The following AGRN variants were observed in gnomAD, a reference collection of about 807,000 sequenced individuals.
The protein encoded by AGRN is agrin, also known as agrin proteoglycan.
AGRN carries 106 observed loss-of-function variants against 211.0 expected under a neutral mutation model. That is an observed-to-expected ratio of 0.50 (90% confidence interval 0.43 to 0.59). The LOEUF is 0.59. Ranked by LOEUF, AGRN falls within the 20% of genes least tolerant of loss-of-function variation. The probability of loss-of-function intolerance (pLI) is 0.00; values close to 1 mark genes in which losing one functional copy is unlikely to be tolerated. For synonymous variants in AGRN, 1,525 were observed against 1,332.5 expected, an observed-to-expected ratio of 1.14 and a Z score of -3.15; for missense variants, 3,040 against 2,982.6, an observed-to-expected ratio of 1.02 and a Z score of -0.45.
At position 1,020,190 on chromosome 1, in the gene AGRN, C is replaced by T; in HGVS notation, c.18C>T (p.His6=). Residue 6 remains histidine, a synonymous_variant, in exon 1 of 36, where the codon CAC becomes CAT. Coordinates refer to ENST00000379370, the MANE Select transcript of AGRN (RefSeq NM_198576.4). The part of the protein sequence containing the change: MAGRS[H]PGPLRPLLPL... ...CCTGCGCCATGGCCGGCCGGTCCCA[C>T]CCGGGCCCGCTGCGGCCGCTGCTGC... is the stretch of plus-strand genomic sequence containing the variant. The T allele has an allele frequency of 7.4e-7, 1 of 1,359,356 alleles. No individual in the cohort carries two copies. The highest frequency in any genetic ancestry group is 9.4e-7 in the Non-Finnish European group (1 of 1,059,086). 84.2% of individuals were successfully genotyped at this position (1,359,356 alleles called of 1,614,324 possible).
rs192239393 is a variant in AGRN at position 1,027,801 on chromosome 1, G to T, written c.463+5339G>T. On this transcript the variant is annotated intron_variant, in intron 2 of 35. Coordinates refer to ENST00000379370, the MANE Select transcript of AGRN (RefSeq NM_198576.4). ...AGGCCTGGTCAGGGTGGGAGCGGGG[G>T]TCTGTCGCTGGCCTGAGCCTCCCTG... is the stretch of plus-strand genomic sequence containing the variant. 3.7e-4 allele frequency among the ~76,000 whole-genome samples: 57 copies of T among 152,298 alleles called. 1 individual carries two copies. In the Middle Eastern group the frequency reaches 0.014, roughly 36 times the overall value.
chr1:1,043,300 G>T lies in AGRN; in HGVS notation c.1446G>T (p.Lys482Asn), dbSNP rs1252449764. 1 of 1,611,794 alleles carries T rather than the reference G, an allele frequency of 6.2e-7. No individual in the cohort carries two copies. The highest frequency in any genetic ancestry group is 8.5e-7 in the Non-Finnish European group (1 of 1,179,554). The change falls in exon 8 of 36, where the codon AAG becomes AAT. Residue 482 changes from lysine to asparagine, a missense_variant. Transcript: ENST00000379370. ...CATTTGGGGCGACGTGTGCTGTGAA[G>T]AACGGGCAGGCAGCGTGTGAATGCC... ...QCAFGATCAV[K>N]NGQAACECLQ...
At chr1:1,053,318 T>C (rs1645362911) in intron 33 of AGRN, 1 of 681,964 alleles carries the variant, frequency 1.5e-6, no homozygotes, top group Non-Finnish European at 2.1e-6. Context: ...CCTGCTGGGC[T>C]CTTTGGTGGG....
At chr1:1,033,171 A>G (rs1010525694) in intron 2 of AGRN, among the ~76,000 whole-genome samples, 4 of 151,788 alleles carry the variant, frequency 2.6e-5, no homozygotes, top group Admixed American at 2.6e-4. Context: ...GCTCATTTGC[A>G]TGACCCCGCC....
At chr1:1,021,196 C>T (rs1386784718) in intron 1 of AGRN, among the ~76,000 whole-genome samples, 1 of 152,332 alleles carries the variant, frequency 6.6e-6, no homozygotes, top group South Asian at 2.1e-4. Context: ...GCTGGGCTCC[C>T]CCGCCGGCCC....
intron 2 of AGRN, chr1:1,034,585 C>T (rs1644755144): frequency 2.8e-5 from 28 of 986,358 alleles, no homozygotes; most frequent in Non-Finnish European, 3.4e-5. Flanking sequence ...CGCGGGACAC[C>T]CGGCAGCCGC....
At position 1,046,588 on chromosome 1, in the gene AGRN, G is replaced by A. The variant is rs756015484; in HGVS notation, c.3103G>A (p.Val1035Met). 1.8e-5 allele frequency: 29 copies of A among 1,606,042 alleles called. No homozygotes were observed. The highest frequency in any genetic ancestry group is 3.3e-5 in the Admixed American group (2 of 59,772). The change falls in exon 18 of 36, where the codon GTG becomes ATG. Residue 1035 changes from valine to methionine, a missense_variant. By Grantham distance (21) the Val-to-Met change is conservative (BLOSUM62 1). Transcript: ENST00000379370. ...RTTASVPRTT[V>M]WPVLTVPPTA... Reference sequence around the variant, plus strand: ...CACTGCCAGCGTCCCCAGGACCACCGTGTGGCCCGTGCTGACGGTGCCCCC... The same window carrying A: ...CACTGCCAGCGTCCCCAGGACCACCATGTGGCCCGTGCTGACGGTGCCCCC...
intron 1 of AGRN, among the ~76,000 whole-genome samples, chr1:1,021,821 G>T (rs1294349811): frequency 6.6e-6 from 1 of 152,180 alleles, no homozygotes; most frequent in Non-Finnish European, 1.5e-5. Flanking sequence ...CACTGCCCAA[G>T]CTTGCTGGGA....
Position 1,043,604 on chromosome 1 carries a change from C to T in AGRN, c.1670C>T (p.Ser557Phe), listed in dbSNP as rs1413573905. 2 of 1,604,972 alleles carry T rather than the reference C, an allele frequency of 1.2e-6. No individual in the cohort carries two copies. The highest frequency in any genetic ancestry group is 1.7e-6 in the Non-Finnish European group (2 of 1,179,778). Reference sequence around the variant, plus strand: ...GAGACCGGGCGCTGCGTGTGCCCCTCTGAATGCGTGGCTTTGGCCCAGCCC... The same window carrying T: ...GAGACCGGGCGCTGCGTGTGCCCCTTTGAATGCGTGGCTTTGGCCCAGCCC... Reference protein sequence around the residue: ...EAETGRCVCPSECVALAQPVC... With the variant: ...EAETGRCVCPFECVALAQPVC... Residue 557 changes from serine to phenylalanine, a missense_variant, in exon 9 of 36, where the codon TCT (serine) becomes TTT (phenylalanine). Transcript: ENST00000379370.
intron 2 of AGRN, chr1:1,034,586 C>A: frequency 6.1e-6 from 6 of 986,372 alleles, no homozygotes; most frequent in Non-Finnish European, 7.2e-6. Context: ...GCGGGACACC[C>A]GGCAGCCGCC....
intron 9 of AGRN, 29 bp downstream of exon 9, chr1:1,043,761 C>T (rs1394729804): frequency 6.2e-7 from 1 of 1,603,484 alleles, no homozygotes; most frequent in East Asian, 2.2e-5. Flanking sequence ...CCGGGCGGGC[C>T]AGGGTCCTGT....
At chr1:1,030,684 T>C (rs111203427) in intron 2 of AGRN, among the ~76,000 whole-genome samples, 319 of 4,122 alleles carry the variant, frequency 0.077, 83 homozygotes, top group East Asian at 0.5. Flanking sequence ...GTGAGATCAG[T>C]GTGTGTGTGT....
chr1:1,044,167 G>A lies in AGRN; in HGVS notation c.2058G>A (p.Leu686=). Residue 686 remains leucine, a synonymous_variant, in exon 11 of 36, where the codon CTG becomes CTA. Transcript: ENST00000379370. The part of the protein sequence containing the change: ...SGEDGDCEQE[L]CRQRGGIWDE... ...AGGACGGTGACTGTGAGCAGGAGCT[G>A]TGCCGGCAGCGCGGTGGCATCTGGG... 1.9e-6 allele frequency: 3 copies of A among 1,613,274 alleles called. No individual in the cohort carries two copies. Among genetic ancestry groups the A allele is most frequent in the Non-Finnish European group, 2.5e-6 (3 of 1,179,922 alleles).
intron 2 of AGRN, among the ~76,000 whole-genome samples, chr1:1,024,664 A>G (rs1310647111): frequency 1.3e-5 from 2 of 151,942 alleles, no homozygotes; most frequent in African/African-American, 4.8e-5. Flanking sequence ...GCTGGGCCAC[A>G]CCTGGACTCA....
chr1:1,053,696 C>T, intron 33 of AGRN, 57 bp from the exon 34 acceptor site: 1 of 1,537,890 alleles, frequency 6.5e-7, no homozygotes, highest in Non-Finnish European at 8.8e-7. Flanking sequence ...TCCCGCCTCC[C>T]CCACCCTGTC....
At chr1:1,034,095 C>T (rs1644741793) in intron 2 of AGRN, 2 of 983,364 alleles carry the variant, frequency 2.0e-6, no homozygotes, top group Non-Finnish European at 2.4e-6. Context: ...GACGCGGCCG[C>T]CCCTCCTGCC....
chr1:1,042,458 G>A (rs953790482), intron 7 of AGRN, among the ~76,000 whole-genome samples: 1 of 152,210 alleles, frequency 6.6e-6, no homozygotes, highest in Non-Finnish European at 1.5e-5. Context: ...AGCACAGGCT[G>A]TTGGGGTGGG....
chr1:1,020,849 G>GGGGC lies in AGRN; in HGVS notation c.201+479_201+480insCGGG, dbSNP rs1553170877. ...AGGTGGGGGGTGCCGCAGTGGTGCG[G>GGGGC]GGGGGGGGCGTGCAGGAGCAGAGAG... On this transcript the variant is annotated intron_variant, in intron 1 of 35. Transcript: ENST00000379370. 6.4e-4 allele frequency among the ~76,000 whole-genome samples: 96 copies of GGGGC among 150,740 alleles called. 12 individuals are homozygous for GGGGC. The highest frequency in any genetic ancestry group is 1.0e-4 in the Non-Finnish European group (7 of 67,266).
At chr1:1,028,021 CTGGGG>C (rs2100580544) in intron 2 of AGRN, among the ~76,000 whole-genome samples, 1 of 152,302 alleles carries the variant, frequency 6.6e-6, no homozygotes, top group African/African-American at 2.4e-5. Context: ...CCAGGGGAGG[CTGGGG>C]TGTGAGCAGG....
Sources: gnomAD v4.1 joint callset for allele counts (sites outside exome capture counted in the v4.1 genomes callset) on GRCh38, gnomAD v4.1.1 for gene constraint, MANE v1.5 for transcripts, NCBI Gene and HGNC (gene_info 2026-07-23, HGNC 2026-07-21) for gene names.